Variants in CADM2 observed in about 807,000 individuals in gnomAD.
The protein encoded by CADM2 is cell adhesion molecule 2.
In CADM2, 12 loss-of-function variants were observed where a neutral mutation model predicts 49.8. That is an observed-to-expected ratio of 0.24 (90% CI 0.15 to 0.39). The LOEUF (loss-of-function observed/expected upper bound fraction) is 0.39, where lower values mean the gene tolerates loss of function less well. Among genes scored for constraint, CADM2 ranks in the 10% least tolerant of loss-of-function variants. CADM2 has a pLI of 1.00. For synonymous variants in CADM2, 214 were observed against 175.4 expected (o/e 1.22, Z -1.74); for missense variants, 378 against 492.3 (o/e 0.77, Z 2.20).
intron 1 of CADM2, among the ~76,000 whole-genome samples, chr3:85,576,744 C>T (rs1467434174): frequency 6.6e-6 from 1 of 152,082 alleles, no homozygotes; most frequent in Non-Finnish European, 1.5e-5. Context: ...ATACATTTCT[C>T]CCCTAACCAA....
At chr3:86,001,232 T>C (rs1375800403) in intron 8 of CADM2, among the ~76,000 whole-genome samples, 1 of 152,130 alleles carries the variant, frequency 6.6e-6, no homozygotes, top group Non-Finnish European at 1.5e-5. Context: ...CATGTTGAGT[T>C]CGTTGGGTAT....
At chr3:85,829,762 A>G (rs184500011) in intron 3 of CADM2, among the ~76,000 whole-genome samples, 23 of 152,116 alleles carry the variant, frequency 1.5e-4, no homozygotes, top group South Asian at 1.0e-3. Context: ...GTGAGATTAC[A>G]TGGCATTTGC....
chr3:85,300,896 C>T (rs1408208372), intron 1 of CADM2, among the ~76,000 whole-genome samples: 1 of 151,816 alleles, frequency 6.6e-6, no homozygotes, highest in Non-Finnish European at 1.5e-5. Flanking sequence ...TAAACAAATA[C>T]ATGTATAATT....
At chr3:85,779,551 G>T (rs1226587118) in intron 2 of CADM2, among the ~76,000 whole-genome samples, 1 of 152,050 alleles carries the variant, frequency 6.6e-6, no homozygotes, top group African/African-American at 2.4e-5. Flanking sequence ...GTGAAGAGAG[G>T]AATGCCCCTT....
chr3:85,883,109 T>C (rs1216627671), intron 3 of CADM2, among the ~76,000 whole-genome samples, 182 bp from the exon 4 acceptor site: 1 of 152,240 alleles, frequency 6.6e-6, no homozygotes, highest in Non-Finnish European at 1.5e-5. Context: ...TCTACTTTGA[T>C]TTTTAAAAAT....
chr3:85,897,284 A>G (rs1715358605), intron 5 of CADM2, among the ~76,000 whole-genome samples: 1 of 46,534 alleles, frequency 2.1e-5, no homozygotes, highest in Non-Finnish European at 3.8e-5. Flanking sequence ...TTTTTTTGAG[A>G]CGGAGTCTCG....
intron 1 of CADM2, among the ~76,000 whole-genome samples, chr3:85,699,650 G>A (rs1237528997): frequency 9.9e-5 from 15 of 152,194 alleles, no homozygotes; most frequent in Non-Finnish European, 1.5e-5. Context: ...AGGGAGCATT[G>A]TCCCAATGCT....
At chr3:85,805,556 T>C (rs1332513066) in intron 3 of CADM2, 1 of 152,182 alleles carries the variant, frequency 6.6e-6, no homozygotes, top group Admixed American at 6.5e-5. Context: ...ATGTGATATC[T>C]TAGTTGAAGG....
At position 85,367,227 on chromosome 3, in the gene CADM2, A is replaced by T. The variant is rs191652792; in HGVS notation, c.62-359295A>T. 3.9e-4 allele frequency among the ~76,000 whole-genome samples: 59 copies of T among 152,200 alleles called. 1 individual carries two copies. Among genetic ancestry groups the T allele is most frequent in the Non-Finnish European group, 1.5e-4 (10 of 67,940 alleles). ...ATCTAAACTTATATAAACCTAAGTC[A>T]ACATTTATTTATTGCTAACCAACAC... On this transcript the variant is annotated intron_variant, in intron 1 of 9. Coordinates refer to ENST00000383699, the MANE Select transcript of CADM2 (RefSeq NM_001167675.2).
chr3:85,354,051 G>A (rs1372900050), intron 1 of CADM2, among the ~76,000 whole-genome samples: 1 of 151,578 alleles, frequency 6.6e-6, no homozygotes, highest in East Asian at 1.9e-4. Flanking sequence ...GAATAGAACT[G>A]ACTACAAGAG....
At chr3:85,450,123 A>G (rs151026001) in intron 1 of CADM2, among the ~76,000 whole-genome samples, 64 of 152,318 alleles carry the variant, frequency 4.2e-4, no homozygotes, top group Middle Eastern at 6.8e-3. Context: ...CCGAAACATC[A>G]AATCAGTGAA....
At chr3:85,905,911 G>A (rs2108462044) in intron 5 of CADM2, among the ~76,000 whole-genome samples, 1 of 152,256 alleles carries the variant, frequency 6.6e-6, no homozygotes, top group East Asian at 1.9e-4. Context: ...ACTGATGCAA[G>A]TGATTCATTT....
chr3:85,595,847 C>G (rs994257343), intron 1 of CADM2, among the ~76,000 whole-genome samples: 1 of 151,458 alleles, frequency 6.6e-6, no homozygotes, highest in Non-Finnish European at 1.5e-5. Context: ...CACTTTTTTT[C>G]TTTTGGTCCA....
chr3:85,429,139 G>A (rs1356860268), intron 1 of CADM2, among the ~76,000 whole-genome samples: 1 of 151,974 alleles, frequency 6.6e-6, no homozygotes, highest in African/African-American at 2.4e-5. Context: ...TAATGAGAAG[G>A]TCCTGTATAT....
intron 1 of CADM2, among the ~76,000 whole-genome samples, chr3:85,451,182 T>G (rs2107567823): frequency 6.6e-6 from 1 of 152,204 alleles, no homozygotes; most frequent in Non-Finnish European, 1.5e-5. Flanking sequence ...ACATTTCACT[T>G]ATATTTAAAA....
At chr3:85,597,162 T>TATG (rs1252053187) in intron 1 of CADM2, among the ~76,000 whole-genome samples, 3 of 151,998 alleles carry the variant, frequency 2.0e-5, no homozygotes, top group African/African-American at 7.2e-5. Context: ...AAAAGAAAAA[T>TATG]ATGACACTTA....
intron 1 of CADM2, among the ~76,000 whole-genome samples, chr3:85,606,033 A>G (rs536829598): frequency 6.6e-6 from 1 of 152,232 alleles, no homozygotes; most frequent in South Asian, 2.1e-4. Context: ...ACAATTGGAT[A>G]TTTGACTTTA....
In CADM2 at chr3:85,531,545, G is replaced by A. The variant is rs1486272606; in HGVS notation, c.62-194977G>A. On this transcript the variant is annotated intron_variant, in intron 1 of 9. Transcript: ENST00000383699. ...TCAAATGGATATTTTTATTTTGAGTGGCTCTAACATTTGCAAGAGTATGTT... is the reference window on the plus strand; with the variant it reads ...TCAAATGGATATTTTTATTTTGAGTAGCTCTAACATTTGCAAGAGTATGTT... Among the ~76,000 whole-genome samples, 3 of 152,256 alleles carry A rather than the reference G, an allele frequency of 2.0e-5. No individual in the cohort carries two copies. The East Asian group carries it at 5.8e-4, about 29-fold the overall frequency.
intron 1 of CADM2, among the ~76,000 whole-genome samples, chr3:85,256,734 A>G (rs2042893711): frequency 6.6e-6 from 1 of 152,092 alleles, no homozygotes; most frequent in Non-Finnish European, 1.5e-5. Context: ...GCTCAACTGC[A>G]TGTTTAGCGC....
Sources: allele counts gnomAD v4.1 joint callset (sites outside exome capture counted in the v4.1 genomes callset), GRCh38; gene constraint gnomAD v4.1.1; transcripts MANE v1.5; gene names NCBI Gene and HGNC (gene_info 2026-07-23, HGNC 2026-07-21).